Variants in SH2B1 observed in about 807,000 individuals in gnomAD.
The protein encoded by SH2B1 is SH2B adaptor protein 1.
A neutral mutation model predicts 62.6 loss-of-function variants in SH2B1; 15 were observed. The ratio of observed to expected loss-of-function variants is 0.24; its 90% CI spans 0.16 to 0.37. SH2B1 has a LOEUF of 0.37. Ranked by LOEUF, SH2B1 falls within the 10% of genes least tolerant of loss-of-function variation. The pLI is 1.00. For synonymous variants in SH2B1, 443 were observed against 438.0 expected (o/e 1.01, Z -0.14); for missense variants, 925 against 1,015.6 (o/e 0.91, Z 1.21).
chr16:28,852,685 T>C (rs1309277054), intron 1 of SH2B1, among the ~76,000 whole-genome samples: 1 of 79,712 alleles, frequency 1.3e-5, no homozygotes, highest in South Asian at 4.0e-4. Flanking sequence ...TATATTTACA[T>C]ATATATTTAT....
chr16:28,853,396 G>A (rs554763441), intron 1 of SH2B1, among the ~76,000 whole-genome samples: 6 of 150,338 alleles, frequency 4.0e-5, no homozygotes, highest in Non-Finnish European at 4.4e-5. Context: ...GTGGAGACGA[G>A]GTTTCACCAT....
Position 28,852,377 on chromosome 16 carries a change from C to CAT in SH2B1, c.-301+5555_-301+5556dup, listed in dbSNP as rs1233764186. Reference sequence around the variant, plus strand: ...TTATATATATATTTATATATATTTACATATATTTATATATATACATATATA... The same window carrying CAT: ...TTATATATATATTTATATATATTTACATATATATTTATATATATACATATATA... On this transcript the variant is annotated intron_variant, in intron 1 of 10. Coordinates refer to the SH2B1 transcript ENST00000322610. Among the ~76,000 whole-genome samples, 20 of 36,904 alleles carry CAT rather than the reference C, an allele frequency of 5.4e-4. 6 individuals are homozygous for CAT. The East Asian group carries it at 7.9e-3, about 15-fold the overall frequency. 24.2% of individuals were successfully genotyped at this position (36,904 alleles called of 152,430 possible).
At chr16:28,853,825 C>A (rs927238426) in intron 1 of SH2B1, among the ~76,000 whole-genome samples, 7 of 151,082 alleles carry the variant, frequency 4.6e-5, no homozygotes, top group African/African-American at 1.7e-4. Flanking sequence ...CGGTGAAACC[C>A]CATCTCTACT....
In SH2B1 at chr16:28,874,062, AC is replaced by A; in HGVS notation, c.*245del. On this transcript the variant is annotated 3_prime_UTR_variant, in exon 8 of 8. Transcript: ENST00000684370. ...TTGAGGGGCTCTTCTGGTCAGCCCCACCCTGGGGGCCATTTCCCCATTAACT... is the reference window on the plus strand; with the variant it reads ...TTGAGGGGCTCTTCTGGTCAGCCCCACCTGGGGGCCATTTCCCCATTAACT... The A allele has an allele frequency of 2.6e-6, 1 of 388,030 alleles. No homozygotes were observed. The highest frequency in any genetic ancestry group is 3.7e-5 in the East Asian group (1 of 26,860). The allele number at this position is 388,030 out of a possible 1,614,324, so 24.0% of individuals were successfully genotyped here.
rs1356419507 is a variant in SH2B1, at chr16:28,873,828, C to A, written c.*8C>A. On this transcript the variant is annotated 3_prime_UTR_variant, in exon 8 of 8. Transcript: ENST00000684370. The surrounding 1 kb of genome is among the most constrained non-coding windows in gnomAD (Gnocchi z 4.2). ...CAGTACTCCTTCGTGTGAGCCAACC[C>A]CACCCGCTCCACCCTTTTTAAACCC... 2 of 1,423,234 alleles carry A rather than the reference C, an allele frequency of 1.4e-6. No homozygotes were observed. Among genetic ancestry groups the A allele is most frequent in the Non-Finnish European group, 1.8e-6 (2 of 1,090,840 alleles). The allele number at this position is 1,423,234 out of a possible 1,614,324, so 88.2% of individuals were successfully genotyped here.
chr16:28,858,403 C>T (rs1291606659), intron 1 of SH2B1, among the ~76,000 whole-genome samples: 1 of 152,118 alleles, frequency 6.6e-6, no homozygotes, highest in Non-Finnish European at 1.5e-5. Context: ...ATCCCAGCTA[C>T]TTGGGAAGTT....
chr16:28,847,539 CG>C (rs1962004235), intron 1 of SH2B1, among the ~76,000 whole-genome samples: 1 of 151,980 alleles, frequency 6.6e-6, no homozygotes, highest in South Asian at 2.1e-4. Flanking sequence ...AGGCTGGGCA[CG>C]GTGGCTATAG....
rs1257537340 is a variant in SH2B1, at chr16:28,872,457, G to A, written c.1725+56G>A. ...TGTGCATAGTTGGCAGTGGGGTGGG[G>A]GAGCACTGCCGGGGGAGGGGGTTTG... On this transcript the variant is annotated intron_variant, in intron 6 of 7. Coordinates refer to ENST00000684370, the MANE Select transcript of SH2B1 (RefSeq NM_001387430.1). The surrounding 1 kb of genome is among the most constrained non-coding windows in gnomAD (Gnocchi z 5.3). The A allele has an allele frequency of 7.0e-6, 11 of 1,571,060 alleles. No individual in the cohort carries two copies. Among genetic ancestry groups the A allele is most frequent in the Non-Finnish European group, 9.5e-6 (11 of 1,154,126 alleles).
chr16:28,847,574 T>C (rs997154424), intron 1 of SH2B1, among the ~76,000 whole-genome samples: 1 of 151,902 alleles, frequency 6.6e-6, no homozygotes, highest in Non-Finnish European at 1.5e-5. Context: ...TCCCAGCAGT[T>C]TGGGAGGCTG....
chr16:28,855,643 A>ATTTTT (rs760328836), intron 1 of SH2B1, among the ~76,000 whole-genome samples: 1 of 140,436 alleles, frequency 7.1e-6, no homozygotes, highest in Non-Finnish European at 1.6e-5. Context: ...TTATTTATTT[A>ATTTTT]TTTATTTTTT....
intron 1 of SH2B1, among the ~76,000 whole-genome samples, chr16:28,853,121 T>A (rs1478186904): frequency 7.8e-6 from 1 of 128,812 alleles, no homozygotes; most frequent in Non-Finnish European, 1.6e-5. Context: ...CATTTATATA[T>A]ATTTATGTAT....
intron 2 of SH2B1, among the ~76,000 whole-genome samples, chr16:28,867,765 C>T (rs148327535): frequency 6.6e-6 from 1 of 152,288 alleles, no homozygotes; most frequent in African/African-American, 2.4e-5. Context: ...CTCAAGTGAT[C>T]GTCCTGCCTC....
At chr16:28,863,472 G>C (rs1962520342), upstream of SH2B1, 1 of 541,058 alleles carries the variant, frequency 1.8e-6, no homozygotes, top group Non-Finnish European at 3.2e-6. Context: ...GCTGCAGCGG[G>C]CCGTTCACAC....
chr16:28,861,506 C>G (rs1962444672), upstream of SH2B1: 1 of 151,768 alleles, frequency 6.6e-6, no homozygotes, highest in Non-Finnish European at 1.5e-5. Context: ...GATCTCGGCT[C>G]ACTGCAAGCT....
In SH2B1 at chr16:28,872,248, G is replaced by T. The variant is rs1173805486; in HGVS notation, c.1572G>T (p.Gly524=). ...GTGAGGGGGACCAGCCCCTCTCAGG[G>T]TATCCTTGGTTCCACGGGATGCTCT... ...EGGEGDQPLS[G]YPWFHGMLSR... The change falls in exon 6 of 8, where the codon GGG becomes GGT. Residue 524 remains glycine, a synonymous_variant. Coordinates refer to ENST00000684370, the MANE Select transcript of SH2B1 (RefSeq NM_001387430.1). This position sits in a 1 kb window ranked among gnomAD's most constrained non-coding sequence, Gnocchi z 5.3. 2 of 1,614,026 alleles carry T rather than the reference G, an allele frequency of 1.2e-6. No individual in the cohort carries two copies. Among genetic ancestry groups the T allele is most frequent in the Non-Finnish European group, 1.7e-6 (2 of 1,179,930 alleles).
In SH2B1 at chr16:28,867,044, T is replaced by C; in HGVS notation, c.939+11T>C. On this transcript the variant is annotated intron_variant, in intron 1 of 7. Coordinates refer to ENST00000684370, the MANE Select transcript of SH2B1 (RefSeq NM_001387430.1). ...TTTGTACCACCCAAGGTGAGGCCCC[T>C]TGGAGGGTGGGTGACTGAGAGCAAG... is the stretch of plus-strand genomic sequence containing the variant. 5 of 1,598,614 alleles carry C rather than the reference T, an allele frequency of 3.1e-6. No individual in the cohort carries two copies. The South Asian group carries it at 3.3e-5, about 11-fold the overall frequency.
At position 28,873,365 on chromosome 16, in the gene SH2B1, TG is replaced by T; in HGVS notation, c.1898-76del. On this transcript the variant is annotated intron_variant, in intron 7 of 7. Coordinates refer to ENST00000684370, the MANE Select transcript of SH2B1 (RefSeq NM_001387430.1). The surrounding 1 kb of genome is among the most constrained non-coding windows in gnomAD (Gnocchi z 4.2). ...GGATGTGGGGAGACAGCCACGCTCC[TG>T]GGGGGCTGAGTGAAGGGGAGGCCAC... 6.3e-7 allele frequency: 1 copy of T among 1,582,766 alleles called. No individual in the cohort carries two copies. Among genetic ancestry groups the T allele is most frequent in the Non-Finnish European group, 8.5e-7 (1 of 1,170,298 alleles).
upstream of SH2B1, chr16:28,863,608 C>T (rs994437471): frequency 2.7e-5 from 38 of 1,420,614 alleles, no homozygotes; most frequent in Non-Finnish European, 3.5e-5. Context: ...GAATTTCCTC[C>T]GGGAGGACGC....
Sources: allele counts gnomAD v4.1 joint callset (sites outside exome capture counted in the v4.1 genomes callset), GRCh38; gene constraint gnomAD v4.1.1; non-coding constraint Gnocchi (gnomAD v3.1); transcripts MANE v1.5; gene names NCBI Gene and HGNC (gene_info 2026-07-23, HGNC 2026-07-21).